Variants in C14orf39 observed in about 807,000 individuals in gnomAD.
The protein encoded by C14orf39 is chromosome 14 open reading frame 39.
C14orf39 carries 66 observed loss-of-function variants against 85.6 expected under a neutral mutation model. That is an observed-to-expected ratio of 0.77 (90% CI 0.63 to 0.95). The LOEUF is 0.95. Ranked by LOEUF, C14orf39 falls within the 40% of genes least tolerant of loss-of-function variation. The probability of loss-of-function intolerance (pLI) is 0.00; values close to 1 mark genes in which losing one functional copy is unlikely to be tolerated. For missense variants in C14orf39, 735 were observed against 663.9 expected (o/e 1.11, Z -1.18); for synonymous variants, 242 against 214.0 (o/e 1.13, Z -1.14).
At chr14:60,459,908 ACTC>A in intron 13 of C14orf39, among the ~76,000 whole-genome samples, 1 of 151,468 alleles carries the variant, frequency 6.6e-6, no homozygotes, top group Non-Finnish European at 1.5e-5. Flanking sequence ...TTGCCCTTGT[ACTC>A]TTTTTATGGT....
rs374550387 is a variant in C14orf39 at position 60,457,040 on chromosome 14, T to C, written c.1235A>G (p.Glu412Gly). The change falls in exon 15 of 18, where the codon GAA becomes GGA. Residue 412 changes from glutamate to glycine, a missense_variant. Transcript: ENST00000321731. ...TCGTGGAAAATTCTCAGCTCTCTCT[T>C]CTACTTCATCACTATCATTTTCTAC... is the stretch of plus-strand genomic sequence containing the variant. ...KSVENDSDEV[E>G]ERAENFPRTS... 16 of 1,609,654 alleles carry C rather than the reference T, an allele frequency of 9.9e-6. No individual in the cohort carries two copies. The highest frequency in any genetic ancestry group is 1.7e-4 in the Middle Eastern group (1 of 6,054).
chr14:60,509,746 G>A lies in C14orf39; in HGVS notation c.-144+5649C>T, dbSNP rs531047695. The stretch of plus-strand genomic sequence containing the variant: ...GACCTGTGGACAAGTACCGAGTAAG[G>A]AAGAAGTTCCCGCTGCCGCGCACCA... On this transcript the variant is annotated intron_variant, in intron 1 of 5. Transcript: ENST00000556799. 19 of 1,613,412 alleles carry A rather than the reference G, an allele frequency of 1.2e-5. No homozygotes were observed. The South Asian group carries it at 2.0e-4, about 17-fold the overall frequency.
chr14:60,508,158 T>C (rs1019961532), intron 1 of C14orf39, among the ~76,000 whole-genome samples: 109 of 152,304 alleles, frequency 7.2e-4, no homozygotes, highest in African/African-American at 2.4e-3. Flanking sequence ...GAATTGTTTT[T>C]GAGCTAAAAT....
intron 2 of C14orf39, among the ~76,000 whole-genome samples, chr14:60,497,118 T>C (rs893210355): frequency 6.6e-6 from 1 of 152,198 alleles, no homozygotes; most frequent in African/African-American, 2.4e-5. Flanking sequence ...TTCTGTCAGT[T>C]CTTAACATGC....
At chr14:60,498,723 G>A (rs1381666544) in intron 2 of C14orf39, among the ~76,000 whole-genome samples, 3 of 152,096 alleles carry the variant, frequency 2.0e-5, no homozygotes, top group South Asian at 2.1e-4. Context: ...ATGAGGAAAC[G>A]ATAAACTTTT....
chr14:60,455,052 T>C lies in C14orf39; in HGVS notation c.1452A>G (p.Gly484=). The C allele has an allele frequency of 3.2e-6, 5 of 1,579,646 alleles. No homozygotes were observed. Among genetic ancestry groups the C allele is most frequent in the Non-Finnish European group, 4.3e-6 (5 of 1,167,220 alleles). ...ATACAGAAGAATCAAATAAATTCAA[T>C]CCAGGTGATCTAGAAGTATAACTCA... is the stretch of plus-strand genomic sequence containing the variant. ...FLMSYTSRSP[G]LNLFDSSVFD... is the part of the protein sequence containing the mutation. Residue 484 remains glycine (G), a synonymous_variant, in exon 16 of 18, where the codon GGA becomes GGG. Coordinates refer to ENST00000321731, the MANE Select transcript of C14orf39 (RefSeq NM_174978.3).
At chr14:60,501,394 G>C (rs1428400053) in intron 1 of C14orf39, among the ~76,000 whole-genome samples, 2 of 151,382 alleles carry the variant, frequency 1.3e-5, no homozygotes, top group African/African-American at 4.9e-5. Flanking sequence ...ACACATAGGA[G>C]AGAAAGTAAG....
chr14:60,468,659 T>A (rs1891916306), intron 8 of C14orf39, 123 bp from the exon 9 acceptor site: 6 of 484,980 alleles, frequency 1.2e-5, no homozygotes, highest in Non-Finnish European at 1.7e-5. Flanking sequence ...GCATTTACTA[T>A]CTTCTATTTA....
At position 60,503,595 on chromosome 14, in the gene C14orf39, T is replaced by G. The variant is rs186548733; in HGVS notation, c.-143-4165A>C. On this transcript the variant is annotated intron_variant, in intron 1 of 5. Transcript: ENST00000556799. ...AACCTCTGTGGTCCTCATAGTTTAT[T>G]CATTTATAAAATAGAGAGACACTGA... 1.4e-3 allele frequency among the ~76,000 whole-genome samples: 220 copies of G among 152,346 alleles called. 2 individuals are homozygous for G. Among genetic ancestry groups the G allele is most frequent in the Admixed American group, 2.0e-3 (31 of 15,304 alleles).
chr14:60,468,633 A>G, intron 8 of C14orf39, 97 bp from the exon 9 acceptor site: 1 of 605,548 alleles, frequency 1.7e-6, no homozygotes, highest in Admixed American at 3.6e-5. Context: ...TAATCATAAG[A>G]TTCATATTTT....
At chr14:60,444,691 T>C (rs1254326) in intron 16 of C14orf39, among the ~76,000 whole-genome samples, 27,023 of 152,024 alleles carry the variant, frequency 0.18, 4,010 homozygotes, top group African/African-American at 0.4. Context: ...ATTCAGGAAA[T>C]GCAGATAACA....
At chr14:60,505,327 C>T (rs6573314) in intron 1 of C14orf39, among the ~76,000 whole-genome samples, 131,173 of 152,234 alleles carry the variant, frequency 0.86, 57,185 homozygotes, top group Non-Finnish European at 0.92. Context: ...TACTACCAAA[C>T]ACATAAACAA....
Position 60,471,551 on chromosome 14 carries a change from C to T in C14orf39, c.511+1G>A, listed in dbSNP as rs977131162. ...AAACAATATAACAAAAATATTAATA[C>T]CTCGAAATTTCATAAAAATTGTTTC... On this transcript the variant is annotated splice_donor_variant, in intron 6 of 17. Transcript: ENST00000321731. LOFTEE classifies it high-confidence loss of function. 1.1e-5 allele frequency: 18 copies of T among 1,589,478 alleles called. No homozygotes were observed. The highest frequency in any genetic ancestry group is 1.5e-5 in the Non-Finnish European group (17 of 1,170,470).
At position 60,478,441 on chromosome 14, in the gene C14orf39, G is replaced by T. The variant is rs552087526; in HGVS notation, c.234-52C>A. The T allele has an allele frequency of 2.6e-5, 22 of 854,804 alleles. No homozygotes were observed. The East Asian group carries it at 5.9e-4, about 23-fold the overall frequency. 53.0% of individuals were successfully genotyped at this position (854,804 alleles called of 1,614,324 possible). On this transcript the variant is annotated intron_variant, in intron 4 of 17. Coordinates refer to ENST00000321731, the MANE Select transcript of C14orf39 (RefSeq NM_174978.3). ...AGCAACTCAGAATGATAAACAAATT[G>T]ATAGAGATAATAAAAAAAAGAACAT...
intron 11 of C14orf39, among the ~76,000 whole-genome samples, chr14:60,463,304 A>G (rs1322019657): frequency 1.3e-5 from 2 of 152,052 alleles, no homozygotes; most frequent in Non-Finnish European, 2.9e-5. Context: ...AAGAGTTACT[A>G]TGTACTTCTT....
chr14:60,469,713 A>T, intron 7 of C14orf39, 60 bp from the exon 8 acceptor site: 1 of 724,474 alleles, frequency 1.4e-6, no homozygotes, highest in Non-Finnish European at 2.0e-6. Context: ...TATATGTGCC[A>T]TATCAGAAAT....
chr14:60,471,449 G>T lies in C14orf39; in HGVS notation c.522C>A (p.Pro174=). 1 of 1,600,036 alleles carries T rather than the reference G, an allele frequency of 6.2e-7. No individual in the cohort carries two copies. The highest frequency in any genetic ancestry group is 2.3e-5 in the East Asian group (1 of 44,290). Residue 174 remains proline (P), a synonymous_variant, in exon 7 of 18, where the codon CCC becomes CCA. Coordinates refer to ENST00000321731, the MANE Select transcript of C14orf39 (RefSeq NM_174978.3). ...TIFMKFRVPA[P]FPSLTKWTLN... Reference sequence around the variant, plus strand: ...AAGTCCATTTAGTAAGTGATGGAAAGGGAGCAGGCACTGAAAAATAAAGTC... The same window carrying T: ...AAGTCCATTTAGTAAGTGATGGAAATGGAGCAGGCACTGAAAAATAAAGTC...
intron 4 of C14orf39, 99 bp from the exon 5 acceptor site, chr14:60,478,488 T>A: frequency 1.8e-6 from 1 of 547,854 alleles, no homozygotes. Flanking sequence ...GAGAAACGAA[T>A]CTTTCTCTTC....
At chr14:60,450,091 C>T (rs1271491356) in intron 16 of C14orf39, among the ~76,000 whole-genome samples, 1 of 152,190 alleles carries the variant, frequency 6.6e-6, no homozygotes, top group African/African-American at 2.4e-5. Context: ...TGACCCAGCA[C>T]ATTCCCAGCT....
Sources: gnomAD v4.1 joint callset for allele counts (sites outside exome capture counted in the v4.1 genomes callset) on GRCh38, gnomAD v4.1.1 for gene constraint, MANE v1.5 for transcripts, NCBI Gene and HGNC (gene_info 2026-07-23, HGNC 2026-07-21) for gene names.